DDAH1: variants seen among roughly 807,000 people sequenced by gnomAD.
The protein encoded by DDAH1 is N(G),N(G)-dimethylarginine dimethylaminohydrolase 1.
DDAH1 carries 19 observed loss-of-function variants against 28.8 expected under a neutral mutation model. The ratio of observed to expected loss-of-function variants is 0.66; its 90% CI spans 0.46 to 0.97. The LOEUF (loss-of-function observed/expected upper bound fraction) is 0.97. Among genes scored for constraint, DDAH1 ranks in the 50% least tolerant of loss-of-function variants. DDAH1 has a pLI of 0.00. For missense variants in DDAH1, 326 were observed against 375.9 expected (o/e 0.87, Z 1.10); for synonymous variants, 153 against 154.4 (o/e 0.99, Z 0.07).
At chr1:85,339,065 AT>A (rs1372255047) in intron 4 of DDAH1, among the ~76,000 whole-genome samples, 2 of 142,304 alleles carry the variant, frequency 1.4e-5, no homozygotes, top group African/African-American at 5.6e-5. Flanking sequence ...AAAAAAAAAT[AT>A]ATATATATAT....
intron 1 of DDAH1, among the ~76,000 whole-genome samples, chr1:85,383,109 G>GGCTA (rs1389839046): frequency 6.6e-6 from 1 of 152,074 alleles, no homozygotes; most frequent in African/African-American, 2.4e-5. Context: ...CATTTCATAG[G>GGCTA]GCTATTGCTG....
At chr1:85,369,584 C>T (rs1650270165) in intron 1 of DDAH1, among the ~76,000 whole-genome samples, 1 of 152,158 alleles carries the variant, frequency 6.6e-6, no homozygotes, top group South Asian at 2.1e-4. Flanking sequence ...CCACTCATCT[C>T]CAGTAATTCT....
In DDAH1 at chr1:85,524,304, G is replaced by T. The variant is rs548928561; in HGVS notation, c.-122-28023C>A. Among the ~76,000 whole-genome samples the T allele has an allele frequency of 3.8e-4, 14 of 36,812 alleles. No homozygotes were observed. In the East Asian group the frequency reaches 9.3e-3, roughly 25 times the overall value. 24.2% of individuals were successfully genotyped at this position (36,812 alleles called of 152,430 possible). A position where few individuals can be genotyped will look rare whatever the true frequency, so the allele number is the denominator to read the frequency against. ...CCCAGGGTGCTGTGGGAGTTGAGAG[G>T]ATGGAGAGATGCTCTCAGCTGGGGT... On this transcript the variant is annotated intron_variant, in intron 1 of 6. Coordinates refer to the DDAH1 transcript ENST00000426972.
intron 2 of DDAH1, among the ~76,000 whole-genome samples, chr1:85,479,468 T>C (rs1241338): frequency 0.69 from 104,363 of 152,102 alleles, 37,236 homozygotes; most frequent in African/African-American, 0.88. Flanking sequence ...CCACCGCGCC[T>C]GGCCCTGTTT....
chr1:85,448,464 CA>C (rs368651534), intron 1 of DDAH1, among the ~76,000 whole-genome samples: 44 of 152,202 alleles, frequency 2.9e-4, no homozygotes, highest in African/African-American at 1.1e-3. Flanking sequence ...CTCCTTGTAC[CA>C]CCCCCCTTTG....
At chr1:85,375,447 A>G (rs1412978160) in intron 1 of DDAH1, among the ~76,000 whole-genome samples, 2 of 152,190 alleles carry the variant, frequency 1.3e-5, no homozygotes, top group East Asian at 1.9e-4. Flanking sequence ...AAAAGGATTT[A>G]AAATTCATGA....
intron 2 of DDAH1, among the ~76,000 whole-genome samples, chr1:85,357,124 C>CG (rs1419939115): frequency 1.3e-5 from 2 of 152,144 alleles, no homozygotes; most frequent in Non-Finnish European, 2.9e-5. Context: ...GTGCCATCAA[C>CG]GGGAGACACA....
intron 1 of DDAH1, among the ~76,000 whole-genome samples, chr1:85,423,933 G>A (rs1653268869): frequency 6.6e-6 from 1 of 152,104 alleles, no homozygotes; most frequent in South Asian, 2.1e-4. Flanking sequence ...ATGAACGGGT[G>A]TTAGATTCTG....
chr1:85,444,485 GT>G (rs1654342487), intron 1 of DDAH1, among the ~76,000 whole-genome samples: 1 of 151,800 alleles, frequency 6.6e-6, no homozygotes, highest in Non-Finnish European at 1.5e-5. Context: ...CTCTTTTTTT[GT>G]TGTGTCTCTC....
At chr1:85,348,832 T>C (rs944667839) in intron 4 of DDAH1, among the ~76,000 whole-genome samples, 1 of 152,210 alleles carries the variant, frequency 6.6e-6, no homozygotes, top group Non-Finnish European at 1.5e-5. Context: ...TACAGACCTA[T>C]TGAGGTAGGG....
chr1:85,469,059 G>A (rs1356136402), upstream of DDAH1, among the ~76,000 whole-genome samples: 1 of 152,176 alleles, frequency 6.6e-6, no homozygotes, highest in Non-Finnish European at 1.5e-5. Flanking sequence ...CATGTGAAAG[G>A]CTTAATGGGT....
chr1:85,432,321 T>C (rs1255349393), intron 1 of DDAH1, among the ~76,000 whole-genome samples: 1 of 152,174 alleles, frequency 6.6e-6, no homozygotes, highest in Non-Finnish European at 1.5e-5. Flanking sequence ...GGCCCTCAGC[T>C]AGCTAGTGAT....
At chr1:85,322,421 G>C (rs896225176) in intron 5 of DDAH1, among the ~76,000 whole-genome samples, 9 of 152,192 alleles carry the variant, frequency 5.9e-5, no homozygotes, top group African/African-American at 2.2e-4. Flanking sequence ...TTCATAGATT[G>C]TTCTGTGATG....
chr1:85,488,783 A>T (rs1370226278), intron 2 of DDAH1, among the ~76,000 whole-genome samples: 1 of 152,196 alleles, frequency 6.6e-6, no homozygotes, highest in African/African-American at 2.4e-5. Context: ...CTGAAAGGTG[A>T]TGTTTCTGAT....
intron 1 of DDAH1, among the ~76,000 whole-genome samples, chr1:85,519,301 T>C (rs1657588428): frequency 6.6e-6 from 1 of 152,082 alleles, no homozygotes; most frequent in Non-Finnish European, 1.5e-5. Flanking sequence ...TTTCACCGTG[T>C]TAGCCAGGAT....
chr1:85,354,174 G>A (rs1441832458), intron 2 of DDAH1, among the ~76,000 whole-genome samples: 1 of 151,964 alleles, frequency 6.6e-6, no homozygotes, highest in Non-Finnish European at 1.5e-5. Context: ...TCCCCTTCCT[G>A]TCTCAGTCAT....
intron 1 of DDAH1, among the ~76,000 whole-genome samples, chr1:85,551,459 C>G (rs989707762): frequency 6.6e-6 from 1 of 152,202 alleles, no homozygotes; most frequent in Admixed American, 6.5e-5. Flanking sequence ...CAGAATGGAA[C>G]CAACCCCTTG....
At chr1:85,479,159 C>CTTTTTTTTTTT (rs35629726) in intron 2 of DDAH1, among the ~76,000 whole-genome samples, 381 of 78,596 alleles carry the variant, frequency 4.8e-3, no homozygotes, top group East Asian at 7.2e-3. Context: ...TTCTGTTTTT[C>CTTTTTTTTTTT]TTTTTTTTTT....
chr1:85,552,234 A>G (rs1658815259), intron 1 of DDAH1, among the ~76,000 whole-genome samples: 1 of 152,192 alleles, frequency 6.6e-6, no homozygotes, highest in African/African-American at 2.4e-5. Context: ...TGGATACACT[A>G]GCCCTCTACA....
Sources: allele counts gnomAD v4.1 joint callset (sites outside exome capture counted in the v4.1 genomes callset), GRCh38; gene constraint gnomAD v4.1.1; transcripts MANE v1.5; gene names NCBI Gene and HGNC (gene_info 2026-07-23, HGNC 2026-07-21).